SGCZ: variants seen among roughly 807,000 people sequenced by gnomAD.
SGCZ encodes zeta-sarcoglycan.
A neutral mutation model predicts 41.3 loss-of-function variants in SGCZ; 40 were observed. That is an observed-to-expected ratio of 0.97 (90% CI 0.75 to 1.26). The LOEUF (loss-of-function observed/expected upper bound fraction) is 1.26. SGCZ is among the 50% of genes most tolerant of loss of function. The pLI is 0.00. For missense variants in SGCZ, 552 were observed against 369.8 expected (o/e 1.49, Z -4.04); for synonymous variants, 206 against 137.5 (o/e 1.50, Z -3.49).
chr8:14,443,446 C>T (rs547995446), intron 2 of SGCZ, among the ~76,000 whole-genome samples: 1 of 152,222 alleles, frequency 6.6e-6, no homozygotes, highest in East Asian at 1.9e-4. Flanking sequence ...CAGCATGGTA[C>T]TGGTACCAAA....
At chr8:14,527,251 G>A (rs927446326) in intron 2 of SGCZ, among the ~76,000 whole-genome samples, 6 of 152,132 alleles carry the variant, frequency 3.9e-5, no homozygotes, top group Admixed American at 6.6e-5. Flanking sequence ...ATATGATGAG[G>A]TATGTATTTT....
chr8:14,853,059 C>T (rs76867457), intron 1 of SGCZ, among the ~76,000 whole-genome samples: 2,864 of 152,270 alleles, frequency 0.019, 101 homozygotes, highest in East Asian at 0.16. Context: ...ATTCCAATAG[C>T]GGCCTTTGCA....
At chr8:15,208,633 G>T (rs1801143996) in intron 1 of SGCZ, among the ~76,000 whole-genome samples, 1 of 152,048 alleles carries the variant, frequency 6.6e-6, no homozygotes, top group Non-Finnish European at 1.5e-5. Context: ...GGAATTATTA[G>T]TATCTTATAT....
chr8:14,618,752 A>T (rs1366577738), intron 1 of SGCZ, among the ~76,000 whole-genome samples: 1 of 152,184 alleles, frequency 6.6e-6, no homozygotes, highest in Admixed American at 6.6e-5. Context: ...GAAGGGTAAT[A>T]GCCACCGAGG....
chr8:14,456,650 T>C (rs1000726766), intron 2 of SGCZ, among the ~76,000 whole-genome samples: 18 of 151,870 alleles, frequency 1.2e-4, no homozygotes, highest in African/African-American at 3.1e-4. Context: ...GAGAAATGAA[T>C]ATAGGACAGT....
At chr8:14,922,976 C>T (rs187845404) in intron 1 of SGCZ, among the ~76,000 whole-genome samples, 238 of 152,284 alleles carry the variant, frequency 1.6e-3, no homozygotes, top group Non-Finnish European at 3.0e-3. Flanking sequence ...GACTGCAGTA[C>T]TTTTATAATT....
chr8:14,883,406 AGC>A (rs1005598222), intron 1 of SGCZ, among the ~76,000 whole-genome samples: 5 of 152,146 alleles, frequency 3.3e-5, no homozygotes, highest in Non-Finnish European at 7.4e-5. Context: ...CTTGTGCTTT[AGC>A]CATATTCAAT....
At chr8:14,450,178 C>T (rs1800550862) in intron 2 of SGCZ, among the ~76,000 whole-genome samples, 1 of 152,184 alleles carries the variant, frequency 6.6e-6, no homozygotes. Context: ...GTGATGAAGC[C>T]AGGCTACACA....
At chr8:14,888,748 C>T (rs1585351658) in intron 1 of SGCZ, among the ~76,000 whole-genome samples, 1 of 152,104 alleles carries the variant, frequency 6.6e-6, no homozygotes, top group East Asian at 1.9e-4. Context: ...ATGCCTTGAT[C>T]TGCTACTGAA....
Position 14,544,511 on chromosome 8 carries a change from C to A in SGCZ, c.234+10221G>T, listed in dbSNP as rs372859124. ...CAAGTAGGAGAGATATTGCTAAATTCTTTTCCTAGCAAAGAATATTAATAT... is the reference window on the plus strand; with the variant it reads ...CAAGTAGGAGAGATATTGCTAAATTATTTTCCTAGCAAAGAATATTAATAT... On this transcript the variant is annotated intron_variant, in intron 2 of 7. Coordinates refer to ENST00000382080, the MANE Select transcript of SGCZ (RefSeq NM_139167.4). 2.1e-3 allele frequency among the ~76,000 whole-genome samples: 321 copies of A among 152,160 alleles called. 1 individual carries two copies. Among genetic ancestry groups the A allele is most frequent in the African/African-American group, 7.4e-3 (306 of 41,522 alleles).
intron 1 of SGCZ, among the ~76,000 whole-genome samples, chr8:15,231,731 C>G (rs1801947680): frequency 2.7e-5 from 4 of 145,880 alleles, no homozygotes; most frequent in African/African-American, 7.6e-5. Context: ...AAGCAATTCT[C>G]TCGCCTCAAC....
intron 1 of SGCZ, among the ~76,000 whole-genome samples, chr8:14,635,148 T>C (rs1242442290): frequency 1.3e-5 from 2 of 151,856 alleles, no homozygotes; most frequent in African/African-American, 4.8e-5. Flanking sequence ...AAGCTATTCA[T>C]TCGCAGCTGT....
intron 1 of SGCZ, among the ~76,000 whole-genome samples, chr8:14,878,569 A>G (rs1447471956): frequency 2.0e-5 from 3 of 152,186 alleles, no homozygotes; most frequent in Admixed American, 6.5e-5. Context: ...TTGAATGTCG[A>G]TATCTTCCAA....
intron 1 of SGCZ, among the ~76,000 whole-genome samples, chr8:14,873,945 G>T (rs2130708415): frequency 6.6e-6 from 1 of 152,222 alleles, no homozygotes; most frequent in South Asian, 2.1e-4. Flanking sequence ...AGAAAGATAT[G>T]AAATGCAAAT....
At chr8:15,121,841 A>T (rs1188937359) in intron 1 of SGCZ, among the ~76,000 whole-genome samples, 1 of 151,880 alleles carries the variant, frequency 6.6e-6, no homozygotes, top group South Asian at 2.1e-4. Context: ...TATGTTCTGG[A>T]AAAATATAAA....
At chr8:14,484,533 C>A (rs1801621320) in intron 2 of SGCZ, among the ~76,000 whole-genome samples, 1 of 152,070 alleles carries the variant, frequency 6.6e-6, no homozygotes, top group South Asian at 2.1e-4. Flanking sequence ...TTTTTACACA[C>A]ATAGAACAAA....
At chr8:14,140,995 C>A (rs1237637143) in intron 5 of SGCZ, among the ~76,000 whole-genome samples, 1 of 152,114 alleles carries the variant, frequency 6.6e-6, no homozygotes, top group Non-Finnish European at 1.5e-5. Flanking sequence ...TGGAACAGGA[C>A]AGAGCCCTCA....
At chr8:14,837,317 G>A (rs1802734182) in intron 1 of SGCZ, among the ~76,000 whole-genome samples, 1 of 152,218 alleles carries the variant, frequency 6.6e-6, no homozygotes, top group Non-Finnish European at 1.5e-5. Context: ...TCTGAGAAAG[G>A]TGTACCAGGC....
intron 1 of SGCZ, among the ~76,000 whole-genome samples, chr8:15,217,467 T>G (rs905893207): frequency 6.6e-6 from 1 of 151,922 alleles, no homozygotes; most frequent in Admixed American, 6.6e-5. Context: ...TTTTTTTTTT[T>G]TTCCTGAAAT....
Sources: allele counts gnomAD v4.1 joint callset (sites outside exome capture counted in the v4.1 genomes callset), GRCh38; gene constraint gnomAD v4.1.1; transcripts MANE v1.5; gene names NCBI Gene and HGNC (gene_info 2026-07-23, HGNC 2026-07-21).